SLIT3: variants seen among roughly 807,000 people sequenced by gnomAD.
The protein encoded by SLIT3 is slit guidance ligand 3.
In SLIT3, 68 loss-of-function variants were observed where a neutral mutation model predicts 184.0. That is an observed-to-expected ratio of 0.37 (90% CI 0.30 to 0.45). The LOEUF (loss-of-function observed/expected upper bound fraction) is 0.45. Ranked by LOEUF, SLIT3 falls within the 20% of genes least tolerant of loss-of-function variation. The pLI is 1.00. For synonymous variants in SLIT3, 831 were observed against 828.6 expected, an observed-to-expected ratio of 1.00 and a Z score of -0.05; for missense variants, 1,707 against 2,026.0, an observed-to-expected ratio of 0.84 and a Z score of 3.02.
chr5:169,119,294 G>A (rs1306582901), intron 4 of SLIT3, among the ~76,000 whole-genome samples: 1 of 152,144 alleles, frequency 6.6e-6, no homozygotes, highest in Non-Finnish European at 1.5e-5. Flanking sequence ...GGACACTTGT[G>A]GGTCTCCTAG....
At chr5:169,272,382 A>G (rs1426947837) in intron 1 of SLIT3, among the ~76,000 whole-genome samples, 1 of 152,194 alleles carries the variant, frequency 6.6e-6, no homozygotes, top group African/African-American at 2.4e-5. Flanking sequence ...CTAAGATTTC[A>G]CAAGCAGCCC....
At chr5:169,193,328 G>A (rs938540580) in intron 4 of SLIT3, 151 bp downstream of exon 4, 4 of 684,064 alleles carry the variant, frequency 5.8e-6, no homozygotes, top group Admixed American at 2.2e-5. Flanking sequence ...GTTTGTTGGG[G>A]GTAGACGTCA....
At chr5:169,113,812 T>C (rs1760538838) in intron 4 of SLIT3, among the ~76,000 whole-genome samples, 2 of 152,088 alleles carry the variant, frequency 1.3e-5, no homozygotes. Flanking sequence ...TGTGCCATCA[T>C]GCCCAGCTAA....
At chr5:168,728,867 G>A (rs1007294323) in intron 20 of SLIT3, among the ~76,000 whole-genome samples, 12 of 151,528 alleles carry the variant, frequency 7.9e-5, no homozygotes, top group Non-Finnish European at 1.5e-4. Flanking sequence ...GCAGTGAGCT[G>A]TGATCACACC....
intron 4 of SLIT3, among the ~76,000 whole-genome samples, chr5:169,137,305 T>TAC (rs747552567): frequency 0.023 from 3,127 of 135,984 alleles, 80 homozygotes; most frequent in African/African-American, 0.052. Context: ...TCTATCTACA[T>TAC]ACACACACAC....
chr5:169,002,873 C>T (rs1033383001), intron 4 of SLIT3, among the ~76,000 whole-genome samples: 1 of 152,164 alleles, frequency 6.6e-6, no homozygotes, highest in African/African-American at 2.4e-5. Flanking sequence ...CCTTGATCTG[C>T]AATGTCTGTG....
At chr5:169,231,947 A>G (rs2113553881) in intron 3 of SLIT3, among the ~76,000 whole-genome samples, 1 of 152,238 alleles carries the variant, frequency 6.6e-6, no homozygotes, top group South Asian at 2.1e-4. Context: ...ATCATTGGCC[A>G]CTTCTCTATC....
rs1203856294 is a variant in SLIT3, at chr5:168,684,111, C to T, written c.3556-15G>A. 1.9e-5 allele frequency: 30 copies of T among 1,571,268 alleles called. No individual in the cohort carries two copies. The highest frequency in any genetic ancestry group is 2.4e-5 in the East Asian group (1 of 42,328). On this transcript the variant is annotated splice_polypyrimidine_tract_variant and intron_variant, in intron 31 of 35. Transcript: ENST00000519560. Reference sequence around the variant, plus strand: ...TCAGTGGCCACCTGGAGAAAGCAGCCGGGGCGTGTTAGTAAGGGCTTACCT... The same window carrying T: ...TCAGTGGCCACCTGGAGAAAGCAGCTGGGGCGTGTTAGTAAGGGCTTACCT...
intron 4 of SLIT3, among the ~76,000 whole-genome samples, chr5:168,893,248 T>A (rs1760533835): frequency 6.6e-6 from 1 of 152,206 alleles, no homozygotes; most frequent in Admixed American, 6.5e-5. Flanking sequence ...GGATGGAGAC[T>A]GGCGTTTTGT....
At chr5:169,026,130 C>A (rs567711142) in intron 4 of SLIT3, among the ~76,000 whole-genome samples, 2 of 152,252 alleles carry the variant, frequency 1.3e-5, no homozygotes, top group East Asian at 3.9e-4. Context: ...TGTGGTGACT[C>A]CCTGGCAGAG....
At chr5:168,851,570 G>A (rs759753646) in intron 5 of SLIT3, among the ~76,000 whole-genome samples, 15 of 152,176 alleles carry the variant, frequency 9.9e-5, no homozygotes, top group Non-Finnish European at 1.8e-4. Flanking sequence ...AAAATGTGCT[G>A]TCACACTTTG....
chr5:168,693,589 A>G (rs1156936380), intron 28 of SLIT3, among the ~76,000 whole-genome samples: 1 of 152,154 alleles, frequency 6.6e-6, no homozygotes, highest in African/African-American at 2.4e-5. Flanking sequence ...AAATTCCACT[A>G]GGTCAAGCCA....
intron 1 of SLIT3, among the ~76,000 whole-genome samples, chr5:169,298,963 A>T (rs190658557): frequency 1.3e-5 from 2 of 152,190 alleles, no homozygotes; most frequent in Non-Finnish European, 2.9e-5. Context: ...GAGGAGGGGA[A>T]CTTAGTTTAC....
intron 4 of SLIT3, among the ~76,000 whole-genome samples, chr5:169,001,595 T>C (rs1581286341): frequency 6.6e-6 from 1 of 152,248 alleles, no homozygotes; most frequent in East Asian, 1.9e-4. Flanking sequence ...CAGCATCTCA[T>C]GACAGGCCAA....
At chr5:169,017,017 G>A (rs1006033891) in intron 4 of SLIT3, among the ~76,000 whole-genome samples, 30 of 152,284 alleles carry the variant, frequency 2.0e-4, no homozygotes, top group South Asian at 1.2e-3. Flanking sequence ...ATACTGTGCT[G>A]TTCCTTGTGA....
chr5:168,942,181 C>G (rs565459284), intron 4 of SLIT3, among the ~76,000 whole-genome samples: 1 of 152,278 alleles, frequency 6.6e-6, no homozygotes, highest in Admixed American at 6.5e-5. Flanking sequence ...AGAACCTTTA[C>G]AGGAACTATT....
intron 10 of SLIT3, chr5:168,790,574 C>T (rs1311100897): frequency 6.6e-6 from 1 of 152,184 alleles, no homozygotes; most frequent in Non-Finnish European, 1.5e-5. Context: ...CCTCTGGGAT[C>T]CTGTCACTGG....
At chr5:168,779,649 G>C (rs1217736606) in intron 12 of SLIT3, among the ~76,000 whole-genome samples, 1 of 152,198 alleles carries the variant, frequency 6.6e-6, no homozygotes, top group Non-Finnish European at 1.5e-5. Flanking sequence ...AACCAAAGCA[G>C]AAAACAGAAG....
At chr5:168,906,083 G>C (rs1047126466) in intron 4 of SLIT3, among the ~76,000 whole-genome samples, 2 of 152,254 alleles carry the variant, frequency 1.3e-5, no homozygotes, top group East Asian at 1.9e-4. Flanking sequence ...AAATAGGGTA[G>C]GTGGTGTGTT....
Sources: gnomAD v4.1 joint callset for allele counts (sites outside exome capture counted in the v4.1 genomes callset) on GRCh38, gnomAD v4.1.1 for gene constraint, MANE v1.5 for transcripts, NCBI Gene and HGNC (gene_info 2026-07-23, HGNC 2026-07-21) for gene names.